Variants in ANK3 observed in about 807,000 individuals in gnomAD.
The protein encoded by ANK3 is ankyrin-3.
In ANK3, 57 loss-of-function variants were observed where a neutral mutation model predicts 370.9. The ratio of observed to expected loss-of-function variants is 0.15; its 90% CI spans 0.12 to 0.19. The LOEUF is 0.19. ANK3 is among the 10% of genes least tolerant of loss of function. The pLI, the probability that ANK3 is intolerant of heterozygous loss-of-function variation, is 1.00. For missense variants in ANK3, 4,439 were observed against 5,302.1 expected (o/e 0.84, Z 5.06); for synonymous variants, 1,929 against 1,946.3 (o/e 0.99, Z 0.23).
At chr10:60,300,136 CG>C (rs1164033102) in intron 1 of ANK3, among the ~76,000 whole-genome samples, 9 of 152,096 alleles carry the variant, frequency 5.9e-5, no homozygotes, top group African/African-American at 2.2e-4. Context: ...GAGTCCGGAT[CG>C]GAACAAAACA....
At chr10:60,343,885 T>C (rs1453537922) in intron 1 of ANK3, among the ~76,000 whole-genome samples, 1 of 152,216 alleles carries the variant, frequency 6.6e-6, no homozygotes, top group Non-Finnish European at 1.5e-5. Flanking sequence ...GGAGAATCTA[T>C]AGTTCCAACA....
At chr10:60,388,971 C>T (rs1414834790) in intron 1 of ANK3, among the ~76,000 whole-genome samples, 1 of 152,144 alleles carries the variant, frequency 6.6e-6, no homozygotes, top group East Asian at 1.9e-4. Flanking sequence ...CACAGATCTG[C>T]CTGGGAAACG....
chr10:60,536,905 A>G (rs947136706), intron 2 of ANK3, among the ~76,000 whole-genome samples: 2 of 152,054 alleles, frequency 1.3e-5, no homozygotes, highest in Admixed American at 6.6e-5. Flanking sequence ...CATGCTTGCA[A>G]AAAGGGACTG....
chr10:60,339,125 TA>T (rs1281642545), intron 1 of ANK3, among the ~76,000 whole-genome samples: 2 of 152,108 alleles, frequency 1.3e-5, no homozygotes, highest in African/African-American at 2.4e-5. Flanking sequence ...CTAGCATGAT[TA>T]AAAGGTTCAG....
intron 23 of ANK3, among the ~76,000 whole-genome samples, chr10:60,154,374 G>C (rs2095258778): frequency 6.6e-6 from 1 of 152,172 alleles, no homozygotes; most frequent in African/African-American, 2.4e-5. Flanking sequence ...TAGCAGGAGA[G>C]TCCTAGACAT....
intron 1 of ANK3, among the ~76,000 whole-genome samples, chr10:60,631,636 A>G (rs1245003026): frequency 1.3e-5 from 2 of 152,184 alleles, no homozygotes; most frequent in African/African-American, 4.8e-5. Context: ...TTCTTTCAAA[A>G]CATGCATCAA....
chr10:60,288,160 A>G (rs565446598), intron 1 of ANK3, among the ~76,000 whole-genome samples: 2 of 152,106 alleles, frequency 1.3e-5, no homozygotes, highest in East Asian at 1.9e-4. Context: ...ATGCCCGGCT[A>G]GTAATGCTCA....
chr10:60,064,319 G>A, intron 38 of ANK3, 31 bp from the exon 39 acceptor site: 5 of 1,542,802 alleles, frequency 3.2e-6, no homozygotes, highest in African/African-American at 1.4e-5. Context: ...TACTAAGATT[G>A]CATATTCTAC....
Position 60,196,551 on chromosome 10 carries a change from A to G in ANK3, c.1764T>C (p.Ser588=). Residue 588 remains serine (S), a synonymous_variant, in exon 15 of 44, where the codon AGT becomes AGC. Coordinates refer to ENST00000280772, the MANE Select transcript of ANK3 (RefSeq NM_020987.5). The stretch of plus-strand genomic sequence containing the variant: ...CCTTCCCAGCAGCATCTGGAGATGC[A>G]CTTTTCTGTAGCAGGAGATTGGCGA... ...LEVANLLLQK[S]ASPDAAGKSG... The G allele has an allele frequency of 6.2e-7, 1 of 1,613,562 alleles. No individual in the cohort carries two copies. Among genetic ancestry groups the G allele is most frequent in the Non-Finnish European group, 8.5e-7 (1 of 1,179,796 alleles).
At chr10:60,193,344 C>T (rs566632183) in intron 16 of ANK3, among the ~76,000 whole-genome samples, 42 of 152,220 alleles carry the variant, frequency 2.8e-4, no homozygotes, top group Non-Finnish European at 5.7e-4. Context: ...AGGAATGTAC[C>T]AACTATTGCC....
chr10:60,042,792 A>C, intron 42 of ANK3, 33 bp from the exon 43 acceptor site: 2 of 1,608,786 alleles, frequency 1.2e-6, no homozygotes, highest in Non-Finnish European at 1.7e-6. Context: ...AAGATTTCAC[A>C]GTGAAACAGT....
intron 8 of ANK3, among the ~76,000 whole-genome samples, chr10:60,227,877 A>G (rs1006000631): frequency 1.3e-5 from 2 of 152,022 alleles, no homozygotes; most frequent in African/African-American, 2.4e-5. Flanking sequence ...GTTTGTTTCT[A>G]TTATCTAACT....
At chr10:60,307,563 C>A (rs576150564) in intron 1 of ANK3, among the ~76,000 whole-genome samples, 1 of 151,592 alleles carries the variant, frequency 6.6e-6, no homozygotes, top group South Asian at 2.1e-4. Context: ...TGGTCTCAAA[C>A]TCTTGAGCTC....
chr10:60,319,167 C>T (rs2048094178), intron 1 of ANK3, among the ~76,000 whole-genome samples: 1 of 152,178 alleles, frequency 6.6e-6, no homozygotes, highest in East Asian at 1.9e-4. Flanking sequence ...ACACTGTTCA[C>T]AGGCTGCTAT....
At chr10:60,054,751 G>C (rs1333109810) in intron 42 of ANK3, among the ~76,000 whole-genome samples, 2 of 152,162 alleles carry the variant, frequency 1.3e-5, no homozygotes, top group Non-Finnish European at 2.9e-5. Flanking sequence ...ACACTAAAGT[G>C]GGTCTTCAGT....
chr10:60,132,058 C>T (rs1024055883), intron 25 of ANK3, among the ~76,000 whole-genome samples: 1 of 152,064 alleles, frequency 6.6e-6, no homozygotes, highest in Admixed American at 6.5e-5. Context: ...TCAATATCTC[C>T]ACTGCCATCT....
At chr10:60,247,856 G>A (rs1483715304) in intron 7 of ANK3, among the ~76,000 whole-genome samples, 1 of 152,096 alleles carries the variant, frequency 6.6e-6, no homozygotes, top group East Asian at 1.9e-4. Context: ...TAGTAGAGAT[G>A]GCATTTCACC....
At chr10:60,441,635 T>C (rs2064301674) in intron 2 of ANK3, among the ~76,000 whole-genome samples, 1 of 152,214 alleles carries the variant, frequency 6.6e-6, no homozygotes, top group South Asian at 2.1e-4. Flanking sequence ...TCTGGCATAA[T>C]AAGTAAAATT....
At chr10:60,062,443 G>A (rs1281358447) in intron 40 of ANK3, 1 of 152,222 alleles carries the variant, frequency 6.6e-6, no homozygotes, top group Non-Finnish European at 1.5e-5. Context: ...TTAAGCTAAT[G>A]TGAAAGAGGA....
Sources: gnomAD v4.1 joint callset for allele counts (sites outside exome capture counted in the v4.1 genomes callset) on GRCh38, gnomAD v4.1.1 for gene constraint, MANE v1.5 for transcripts, NCBI Gene and HGNC (gene_info 2026-07-23, HGNC 2026-07-21) for gene names.